The following C12orf60 variants were observed in gnomAD, a reference collection of about 807,000 sequenced individuals.
C12orf60 encodes the protein uncharacterized protein C12orf60.
For synonymous variants in C12orf60, 102 were observed against 94.6 expected, an observed-to-expected ratio of 1.08 and a Z score of -0.45; for missense variants, 284 against 283.2, an observed-to-expected ratio of 1.00 and a Z score of -0.02.
chr12:14,812,161 T>C (rs961595845), intron 1 of C12orf60, among the ~76,000 whole-genome samples: 3 of 152,246 alleles, frequency 2.0e-5, no homozygotes, highest in Non-Finnish European at 4.4e-5. Flanking sequence ...TTAAAAATAT[T>C]TGGCCGGGCG....
At chr12:14,820,397 CTCTT>C (rs1200836622) in intron 1 of C12orf60, among the ~76,000 whole-genome samples, 3 of 151,824 alleles carry the variant, frequency 2.0e-5, no homozygotes, top group South Asian at 2.1e-4. Flanking sequence ...TGAATGTTTG[CTCTT>C]TCTTTTCTAA....
At chr12:14,821,435 T>G (rs1950303405) in intron 1 of C12orf60, among the ~76,000 whole-genome samples, 1 of 152,172 alleles carries the variant, frequency 6.6e-6, no homozygotes. Flanking sequence ...GACCATCCCT[T>G]AAGTTGGGGC....
At chr12:14,822,320 A>G (rs66519174) in intron 1 of C12orf60, among the ~76,000 whole-genome samples, 24,132 of 150,674 alleles carry the variant, frequency 0.16, 2,102 homozygotes, top group Non-Finnish European at 0.2. Flanking sequence ...GACAAACGAC[A>G]ACAACAACAA....
At chr12:14,804,316 C>T (rs983739443) in intron 1 of C12orf60, among the ~76,000 whole-genome samples, 2 of 152,124 alleles carry the variant, frequency 1.3e-5, no homozygotes, top group Non-Finnish European at 2.9e-5. Context: ...CCACTTATTT[C>T]CCTTAAAGGT....
intron 1 of C12orf60, among the ~76,000 whole-genome samples, chr12:14,813,239 T>C (rs1363956436): frequency 6.6e-6 from 1 of 152,198 alleles, no homozygotes; most frequent in African/African-American, 2.4e-5. Flanking sequence ...TCGTTAGTGC[T>C]CTCTGAGGTT....
rs1235869760 is a variant in C12orf60 at position 14,823,554 on chromosome 12, G to A, written c.619G>A (p.Ala207Thr). The change falls in exon 2 of 2, where the codon GCA (alanine) becomes ACA (threonine). Residue 207 changes from alanine to threonine, a missense_variant. Ala to Thr is a moderately conservative substitution (Grantham distance 58). Transcript: ENST00000330828. ...TEDSKNPTKS[A>T]ADLLEQIVKA... ...GGATTCCAAAAATCCCACAAAGTCAGCAGCAGATTTGTTGGAACAAATTGT... is the reference window on the plus strand; with the variant it reads ...GGATTCCAAAAATCCCACAAAGTCAACAGCAGATTTGTTGGAACAAATTGT... 3.7e-6 allele frequency: 6 copies of A among 1,613,782 alleles called. No individual in the cohort carries two copies. Among genetic ancestry groups the A allele is most frequent in the Non-Finnish European group, 5.1e-6 (6 of 1,179,972 alleles).
chr12:14,806,823 C>T (rs1285194771), intron 1 of C12orf60: 1 of 850,036 alleles, frequency 1.2e-6, no homozygotes, highest in South Asian at 1.8e-5. Flanking sequence ...AGGATAATTC[C>T]TCAGAACACT....
Position 14,803,751 on chromosome 12 carries a change from G to A in C12orf60, c.-25G>A, listed in dbSNP as rs1950002750. 1 of 361,106 alleles carries A rather than the reference G, an allele frequency of 2.8e-6. No homozygotes were observed. 22.4% of individuals were successfully genotyped at this position (361,106 alleles called of 1,614,324 possible). A position where few individuals can be genotyped will look rare whatever the true frequency, so the allele number is the denominator to read the frequency against. On this transcript the variant is annotated splice_region_variant and 5_prime_UTR_variant, in exon 1 of 2. It adds an upstream start codon to the 5' untranslated region. Coordinates refer to ENST00000330828, the MANE Select transcript of C12orf60 (RefSeq NM_175874.4). ...ATCTTGACTTAGTTGCTGGGAGCCT[G>A]GTACGTTGAGCCGTCCGAGAACGGT...
intron 1 of C12orf60, among the ~76,000 whole-genome samples, chr12:14,821,348 A>G (rs779955868): frequency 1.3e-4 from 20 of 152,150 alleles, no homozygotes; most frequent in Non-Finnish European, 2.5e-4. Flanking sequence ...GGAAGGCTGA[A>G]GTCAAGCAGG....
At chr12:14,821,447 A>T (rs1185180929) in intron 1 of C12orf60, among the ~76,000 whole-genome samples, 1 of 152,110 alleles carries the variant, frequency 6.6e-6, no homozygotes, top group African/African-American at 2.4e-5. Context: ...AGTTGGGGCC[A>T]CATCACCTCC....
chr12:14,805,468 A>C (rs1950033344), intron 1 of C12orf60: 2 of 152,666 alleles, frequency 1.3e-5, no homozygotes, highest in Non-Finnish European at 2.9e-5. Flanking sequence ...GCACATTGTT[A>C]CAAACCATTT....
chr12:14,806,840 GTTTTTT>G, intron 1 of C12orf60: 1 of 785,914 alleles, frequency 1.3e-6, no homozygotes, highest in Non-Finnish European at 1.9e-6. Context: ...CACTCAACAA[GTTTTTT>G]TAAAAGAGGG....
intron 1 of C12orf60, among the ~76,000 whole-genome samples, chr12:14,817,558 C>T (rs111455009): frequency 0.15 from 22,862 of 152,102 alleles, 2,003 homozygotes; most frequent in Non-Finnish European, 0.2. Context: ...TCAACTCCCA[C>T]TTATGAGTGA....
chr12:14,811,257 G>A (rs1210003921), intron 1 of C12orf60, among the ~76,000 whole-genome samples: 1 of 152,132 alleles, frequency 6.6e-6, no homozygotes, highest in Non-Finnish European at 1.5e-5. Flanking sequence ...GGGTTCTGTA[G>A]TGCCCTGGAG....
At chr12:14,812,400 T>C (rs867958601) in intron 1 of C12orf60, among the ~76,000 whole-genome samples, 17 of 151,974 alleles carry the variant, frequency 1.1e-4, no homozygotes, top group Admixed American at 7.9e-4. Flanking sequence ...GCCGAGATTG[T>C]GCCACTGCAC....
Position 14,823,314 on chromosome 12 carries a change from C to G in C12orf60, c.379C>G (p.Leu127Val), listed in dbSNP as rs369425028. The G allele has an allele frequency of 1.2e-5, 20 of 1,613,998 alleles. No homozygotes were observed. The South Asian group carries it at 1.9e-4, about 15-fold the overall frequency. Residue 127 changes from leucine (L) to valine (V), a missense_variant, in exon 2 of 2, where the codon CTA becomes GTA. Transcript: ENST00000330828. ...CCATACGCCAGTCATCATCTCTGTG[C>G]TAAACAGCAGTAACATCCTTGGGAG... ...SAHTPVIISV[L>V]NSSNILGSLE...
intron 1 of C12orf60, chr12:14,805,317 T>C (rs749503032): frequency 1.3e-5 from 2 of 152,230 alleles, no homozygotes; most frequent in African/African-American, 2.4e-5. Context: ...TATTTAATTA[T>C]CACAGTTGGT....
Position 14,806,157 on chromosome 12 carries a change from A to G in C12orf60, c.-25+2406A>G, listed in dbSNP as rs780721771. ...CACTGCTCCCAGGATGGCACGGACA[A>G]TCATATCTATGCCAAGGCCAAGAAC... On this transcript the variant is annotated intron_variant, in intron 1 of 1. Coordinates refer to ENST00000330828, the MANE Select transcript of C12orf60 (RefSeq NM_175874.4). 3 of 1,614,138 alleles carry G rather than the reference A, an allele frequency of 1.9e-6. No individual in the cohort carries two copies. The highest frequency in any genetic ancestry group is 4.5e-5 in the East Asian group (2 of 44,870).
rs772874558 is a variant in C12orf60, at chr12:14,823,694, T to C, written c.*21T>C. On this transcript the variant is annotated 3_prime_UTR_variant, in exon 2 of 2. Transcript: ENST00000330828. Reference sequence around the variant, plus strand: ...AGTAGGGATGCAACAGAAATGTTCATTTCTGTCAGAAAACTACTTAAAATC... The same window carrying C: ...AGTAGGGATGCAACAGAAATGTTCACTTCTGTCAGAAAACTACTTAAAATC... The C allele has an allele frequency of 3.3e-6, 5 of 1,517,800 alleles. No homozygotes were observed. The African/African-American group carries it at 4.2e-5, about 13-fold the overall frequency. The allele number at this position is 1,517,800 out of a possible 1,614,324, so 94.0% of individuals were successfully genotyped here. A position where few individuals can be genotyped will look rare whatever the true frequency, so the allele number is the denominator to read the frequency against.
Sources: gnomAD v4.1 joint callset for allele counts (sites outside exome capture counted in the v4.1 genomes callset) on GRCh38, gnomAD v4.1.1 for gene constraint, MANE v1.5 for transcripts, NCBI Gene and HGNC (gene_info 2026-07-23, HGNC 2026-07-21) for gene names.